Variants in CFHR1 observed in about 807,000 individuals in gnomAD.
The protein encoded by CFHR1 is complement factor H-related protein 1.
In CFHR1, 22 loss-of-function variants were observed where a neutral mutation model predicts 30.4. That is an observed-to-expected ratio of 0.72 (90% CI 0.52 to 1.03). CFHR1 has a LOEUF of 1.03. CFHR1 is among the 50% of genes least tolerant of loss of function. The pLI is 0.00. For missense variants in CFHR1, 248 were observed against 380.6 expected, an observed-to-expected ratio of 0.65 and a Z score of 2.90; for synonymous variants, 95 against 129.1, an observed-to-expected ratio of 0.74 and a Z score of 1.79.
chr1:196,826,916 G>A lies in CFHR1; in HGVS notation c.341G>A (p.Cys114Tyr). The A allele has an allele frequency of 1.3e-6, 2 of 1,525,230 alleles. No homozygotes were observed. Among genetic ancestry groups the A allele is most frequent in the Non-Finnish European group, 1.8e-6 (2 of 1,129,376 alleles). The allele number at this position is 1,525,230 out of a possible 1,614,324, so 94.5% of individuals were successfully genotyped here. ...GAAGGTGATACTGTGCAAATTATTT[G>A]CAACACAGGATACAGACTTCAAAAC... ...HLEGDTVQII[C>Y]NTGYRLQNNE... Residue 114 changes from cysteine (C) to tyrosine (Y), a missense_variant, in exon 3 of 6, where the codon TGC becomes TAC. This residue lies in a region of CFHR1 where 121 missense variants were observed against 162.6 expected (regional missense o/e 0.74). Transcript: ENST00000320493.
chr1:196,825,392 T>C (rs1297526055), intron 1 of CFHR1, 85 bp from the exon 2 acceptor site: 5 of 1,046,792 alleles, frequency 4.8e-6, no homozygotes, highest in Non-Finnish European at 5.4e-6. Flanking sequence ...AGAAAAACAC[T>C]ATAAGTGAGA....
Position 196,831,641 on chromosome 1 carries a change from T to C in CFHR1, c.791-156T>C, listed in dbSNP as rs186940207. Among the ~76,000 whole-genome samples, 14 of 136,144 alleles carry C rather than the reference T, an allele frequency of 1.0e-4. 2 individuals are homozygous for C. The highest frequency in any genetic ancestry group is 1.9e-4 in the Non-Finnish European group (12 of 64,584). The allele number at this position is 136,144 out of a possible 152,430, so 89.3% of individuals were successfully genotyped here. On this transcript the variant is annotated intron_variant, in intron 5 of 5. Coordinates refer to ENST00000320493, the MANE Select transcript of CFHR1 (RefSeq NM_002113.3). ...TTCACATCGATTACCATTTTAAGTT[T>C]ATTTAAATCAATATGATGTTTTTAC...
rs192592245 is a variant in CFHR1, at chr1:196,829,374, G to C, written c.608-1126G>C. ...AAAAACTTATGAGGAAAAAGATATC[G>C]TGTTATATTGACTCCTCTTTTTATC... On this transcript the variant is annotated intron_variant, in intron 4 of 5. Transcript: ENST00000320493. Among the ~76,000 whole-genome samples the C allele has an allele frequency of 2.2e-4, 30 of 135,024 alleles. 4 individuals are homozygous for C. The South Asian group carries it at 4.1e-3, about 18-fold the overall frequency. The allele number at this position is 135,024 out of a possible 152,430, so 88.6% of individuals were successfully genotyped here.
intron 1 of CFHR1, chr1:196,825,229 A>G (rs1295240712): frequency 2.9e-6 from 1 of 344,890 alleles, no homozygotes; most frequent in East Asian, 5.4e-5. Context: ...ACAATGCAGG[A>G]GAGTTCATAT....
chr1:196,828,363 T>C lies in CFHR1; in HGVS notation c.607+117T>C, dbSNP rs28369298. ...GATTTTTCAAATGCAAATAAAATGA[T>C]TGATGGTGCTTAAAATTCAATTCTT... On this transcript the variant is annotated intron_variant, in intron 4 of 5. Coordinates refer to ENST00000320493, the MANE Select transcript of CFHR1 (RefSeq NM_002113.3). 198,259 of 727,518 alleles carry C rather than the reference T, an allele frequency of 0.27. 52,540 individuals carry two copies. Among genetic ancestry groups the C allele is most frequent in the African/African-American group, 0.5 (18,875 of 37,538 alleles). The allele number at this position is 727,518 out of a possible 1,614,324, so 45.1% of individuals were successfully genotyped here.
intron 1 of CFHR1, among the ~76,000 whole-genome samples, chr1:196,824,377 C>G (rs1408080786): frequency 7.5e-6 from 1 of 133,340 alleles, no homozygotes; most frequent in Non-Finnish European, 1.6e-5. Flanking sequence ...TCTGCCTCAG[C>G]CTCCCAGGTA....
At position 196,830,330 on chromosome 1, in the gene CFHR1, A is replaced by G. The variant is rs1484241958; in HGVS notation, c.608-170A>G. ...TCAGTAAGGAGAAAAGAACTTAAATATATTACTTTCAGTTTAAAGGATTAA... is the reference window on the plus strand; with the variant it reads ...TCAGTAAGGAGAAAAGAACTTAAATGTATTACTTTCAGTTTAAAGGATTAA... On this transcript the variant is annotated intron_variant, in intron 4 of 5. Transcript: ENST00000320493. 1.5e-5 allele frequency among the ~76,000 whole-genome samples: 2 copies of G among 135,678 alleles called. 1 individual carries two copies. Among genetic ancestry groups the G allele is most frequent in the African/African-American group, 6.3e-5 (2 of 31,890 alleles). The allele number at this position is 135,678 out of a possible 152,430, so 89.0% of individuals were successfully genotyped here.
intron 3 of CFHR1, among the ~76,000 whole-genome samples, chr1:196,827,291 C>CA (rs1448788039): frequency 3.0e-5 from 4 of 134,640 alleles, no homozygotes; most frequent in Admixed American, 2.9e-4. Flanking sequence ...CACACGGAAT[C>CA]AAAAATGTCG....
intron 2 of CFHR1, among the ~76,000 whole-genome samples, chr1:196,826,365 T>C (rs1364746483): frequency 7.4e-6 from 1 of 135,788 alleles, no homozygotes; most frequent in Non-Finnish European, 1.6e-5. Flanking sequence ...CTTCTATATA[T>C]ACATATAAAA....
chr1:196,825,919 T>C lies in CFHR1; in HGVS notation c.253+248T>C, dbSNP rs1271873432. The C allele has an allele frequency of 2.9e-5, 10 of 348,490 alleles. 2 individuals are homozygous for C. Among genetic ancestry groups the C allele is most frequent in the African/African-American group, 1.9e-4 (7 of 36,648 alleles). 21.6% of individuals were successfully genotyped at this position (348,490 alleles called of 1,614,324 possible). ...ATATTAATTTTTTTAAACTGATCTTTAATATATTTGACTGCTAATATTTCT... is the reference window on the plus strand; with the variant it reads ...ATATTAATTTTTTTAAACTGATCTTCAATATATTTGACTGCTAATATTTCT... On this transcript the variant is annotated intron_variant, in intron 2 of 5. Transcript: ENST00000320493.
Position 196,832,105 on chromosome 1 carries a change from T to C in CFHR1, c.*106T>C. 9.2e-7 allele frequency: 1 copy of C among 1,086,914 alleles called. No individual in the cohort carries two copies. The highest frequency in any genetic ancestry group is 2.1e-5 in the Admixed American group (1 of 47,102). 67.3% of individuals were successfully genotyped at this position (1,086,914 alleles called of 1,614,324 possible). ...CTCCTTTTTATTCATACGTAAAATT[T>C]TGGATTAATTTGTGAAAATGTAATT... is the stretch of plus-strand genomic sequence containing the variant. On this transcript the variant is annotated 3_prime_UTR_variant, in exon 6 of 6. Coordinates refer to ENST00000320493, the MANE Select transcript of CFHR1 (RefSeq NM_002113.3).
chr1:196,825,579 C>G lies in CFHR1; in HGVS notation c.161C>G (p.Ser54Cys). 6.6e-7 allele frequency: 1 copy of G among 1,523,864 alleles called. No individual in the cohort carries two copies. Among genetic ancestry groups the G allele is most frequent in the Non-Finnish European group, 8.9e-7 (1 of 1,128,090 alleles). 94.4% of individuals were successfully genotyped at this position (1,523,864 alleles called of 1,614,324 possible). The change falls in exon 2 of 6, where the codon TCC (serine) becomes TGC (cysteine). Residue 54 changes from serine to cysteine, a missense_variant. This residue lies in a region of CFHR1 where 121 missense variants were observed against 162.6 expected (regional missense o/e 0.74). Transcript: ENST00000320493. ...CCTACAGGGGAAGTTTTCTATTACT[C>G]CTGTGAATATAATTTTGTGTCTCCT... ...QVPTGEVFYY[S>C]CEYNFVSPSK... is the part of the protein sequence containing the mutation.
intron 5 of CFHR1, 28 bp from the exon 6 acceptor site, chr1:196,831,769 T>C (rs1453165848): frequency 2.0e-6 from 3 of 1,502,706 alleles, no homozygotes; most frequent in Non-Finnish European, 2.7e-6. Flanking sequence ...CTACTTAATG[T>C]TTTATGTTTA....
At position 196,831,127 on chromosome 1, in the gene CFHR1, G is replaced by A. The variant is rs1172011305; in HGVS notation, c.790+445G>A. ...AGCCTGGGCGACAGAGCGAGACTCC[G>A]TCTCAATAAAAACAACACAAAAAAG... On this transcript the variant is annotated intron_variant, in intron 5 of 5. Transcript: ENST00000320493. Among the ~76,000 whole-genome samples, 2 of 135,654 alleles carry A rather than the reference G, an allele frequency of 1.5e-5. 1 individual carries two copies. The highest frequency in any genetic ancestry group is 3.1e-5 in the Non-Finnish European group (2 of 64,344). The allele number at this position is 135,654 out of a possible 152,430, so 89.0% of individuals were successfully genotyped here.
chr1:196,827,066 T>A lies in CFHR1; in HGVS notation c.430+61T>A, dbSNP rs1252336481. On this transcript the variant is annotated intron_variant, in intron 3 of 5. Transcript: ENST00000320493. ...TATTATAAAGTTTGAGAGAAATAAA[T>A]CTTTTTTACAGGTTAAATATAGGTT... The A allele has an allele frequency of 5.6e-6, 8 of 1,428,684 alleles. 1 individual carries two copies. The highest frequency in any genetic ancestry group is 3.6e-5 in the African/African-American group (2 of 55,302). The allele number at this position is 1,428,684 out of a possible 1,614,324, so 88.5% of individuals were successfully genotyped here.
At chr1:196,820,154 T>C (rs1242365927) in intron 1 of CFHR1, among the ~76,000 whole-genome samples, 2 of 141,178 alleles carry the variant, frequency 1.4e-5, no homozygotes, top group African/African-American at 5.6e-5. Flanking sequence ...AGGAATTAAA[T>C]GAGGGAAAAC....
Position 196,829,550 on chromosome 1 carries a change from A to G in CFHR1, c.608-950A>G, listed in dbSNP as rs1257412064. Among the ~76,000 whole-genome samples, 2 of 134,214 alleles carry G rather than the reference A, an allele frequency of 1.5e-5. 1 individual carries two copies. The highest frequency in any genetic ancestry group is 6.4e-5 in the African/African-American group (2 of 31,282). The allele number at this position is 134,214 out of a possible 152,430, so 88.0% of individuals were successfully genotyped here. On this transcript the variant is annotated intron_variant, in intron 4 of 5. Transcript: ENST00000320493. ...GGTTTCCCTTTCTCTGAGAATGTCT[A>G]TATTTACCCCTTTACTTGTAAAAGA...
chr1:196,826,714 C>A, intron 2 of CFHR1, 115 bp from the exon 3 acceptor site: 1 of 1,019,830 alleles, frequency 9.8e-7, no homozygotes, highest in Non-Finnish European at 1.4e-6. Context: ...CCTCCCAAAG[C>A]GCAGAGATTA....
rs764177545 is a variant in CFHR1, at chr1:196,826,903, G to A, written c.328G>A (p.Val110Met). ...ACAAACACATCTGGAAGGTGATACT[G>A]TGCAAATTATTTGCAACACAGGATA... ...SGQTHLEGDT[V>M]QIICNTGYRL... The change falls in exon 3 of 6, where the codon GTG (valine) becomes ATG (methionine). Residue 110 changes from valine to methionine, a missense_variant. By Grantham distance (21) the Val-to-Met change is conservative. Transcript: ENST00000320493. 3 of 1,524,838 alleles carry A rather than the reference G, an allele frequency of 2.0e-6. 1 individual carries two copies. The highest frequency in any genetic ancestry group is 2.7e-6 in the Non-Finnish European group (3 of 1,129,026). 94.5% of individuals were successfully genotyped at this position (1,524,838 alleles called of 1,614,324 possible).
Sources: gnomAD v4.1 joint callset for allele counts (sites outside exome capture counted in the v4.1 genomes callset) on GRCh38, gnomAD v4.1.1 for gene constraint, gnomAD v4.1.1 regional missense constraint, MANE v1.5 for transcripts, NCBI Gene and HGNC (gene_info 2026-07-23, HGNC 2026-07-21) for gene names.